Variants in RBMS1 observed in about 807,000 individuals in gnomAD.
RBMS1 encodes RNA binding motif single stranded interacting protein 1.
RBMS1 carries 17 observed loss-of-function variants against 62.3 expected under a neutral mutation model. The observed-to-expected ratio is 0.27, with a 90% CI of 0.19 to 0.41. RBMS1 has a LOEUF of 0.41. Among genes scored for constraint, RBMS1 ranks in the 10% least tolerant of loss-of-function variants. RBMS1 has a pLI of 1.00. For missense variants in RBMS1, 334 were observed against 504.5 expected, an observed-to-expected ratio of 0.66 and a Z score of 3.24; for synonymous variants, 172 against 170.0, an observed-to-expected ratio of 1.01 and a Z score of -0.09.
chr2:160,432,687 G>A (rs1193329469), intron 1 of RBMS1, among the ~76,000 whole-genome samples: 1 of 152,136 alleles, frequency 6.6e-6, no homozygotes, highest in African/African-American at 2.4e-5. Flanking sequence ...CAGATATAAG[G>A]TATAAGGAAT....
intron 2 of RBMS1, among the ~76,000 whole-genome samples, chr2:160,319,712 G>C (rs1690447439): frequency 6.6e-6 from 1 of 152,030 alleles, no homozygotes. Flanking sequence ...TTAGGAAATG[G>C]AAGTATTTTG....
In RBMS1 at chr2:160,475,268, C is replaced by A. The variant is rs1248403621; in HGVS notation, c.75+18021G>T. Among the ~76,000 whole-genome samples the A allele has an allele frequency of 2.0e-5, 3 of 152,340 alleles. No homozygotes were observed. In the South Asian group the frequency reaches 6.2e-4, roughly 32 times the overall value. On this transcript the variant is annotated intron_variant, in intron 1 of 13. Coordinates refer to ENST00000348849, the MANE Select transcript of RBMS1 (RefSeq NM_016836.4). The stretch of plus-strand genomic sequence containing the variant: ...TCCCACACTTCATTCGCCTCTCCAC[C>A]TTTTCCCCTCTATCCTGTGACCTGG...
chr2:160,431,784 T>A (rs1467576578), intron 1 of RBMS1, among the ~76,000 whole-genome samples: 3 of 152,144 alleles, frequency 2.0e-5, no homozygotes, highest in South Asian at 2.1e-4. Context: ...CCTAGTTAAC[T>A]CCAACTTATT....
intron 2 of RBMS1, among the ~76,000 whole-genome samples, chr2:160,345,961 G>A (rs912516423): frequency 6.6e-6 from 1 of 152,082 alleles, no homozygotes; most frequent in African/African-American, 2.4e-5. Flanking sequence ...TCAGAGTGAA[G>A]GAGCGTTAGT....
intron 1 of RBMS1, among the ~76,000 whole-genome samples, chr2:160,469,375 G>C (rs1574098632): frequency 6.6e-6 from 1 of 152,104 alleles, no homozygotes; most frequent in African/African-American, 2.4e-5. Context: ...CATCTCTTTG[G>C]TTCTTGTTGC....
At chr2:160,394,306 T>C (rs997639258) in intron 1 of RBMS1, among the ~76,000 whole-genome samples, 4 of 152,198 alleles carry the variant, frequency 2.6e-5, no homozygotes, top group Admixed American at 6.5e-5. Context: ...GTCCTAACTG[T>C]GGTTTCTTCT....
chr2:160,442,838 C>G (rs750174551), intron 1 of RBMS1, among the ~76,000 whole-genome samples: 3 of 152,114 alleles, frequency 2.0e-5, no homozygotes, highest in African/African-American at 7.2e-5. Context: ...AGAAAGGGCA[C>G]TAAGGGAACT....
At chr2:160,413,521 T>C (rs760752552) in intron 1 of RBMS1, among the ~76,000 whole-genome samples, 1 of 152,170 alleles carries the variant, frequency 6.6e-6, no homozygotes, top group Non-Finnish European at 1.5e-5. Context: ...TAGACATGTA[T>C]AAAAGTACAT....
chr2:160,389,698 CAAAAAAAAAAAAA>C (rs61570926), intron 1 of RBMS1, among the ~76,000 whole-genome samples: 5 of 50,380 alleles, frequency 9.9e-5, no homozygotes, highest in East Asian at 7.0e-4. Flanking sequence ...ACTCTTGTCT[CAAAAAAAAAAAAA>C]AAAAAAAAAA....
intron 1 of RBMS1, among the ~76,000 whole-genome samples, chr2:160,439,838 C>A (rs1222152259): frequency 4.6e-5 from 7 of 152,020 alleles, no homozygotes; most frequent in Non-Finnish European, 1.0e-4. Context: ...GGATCACTCG[C>A]GGTTAGGAGC....
intron 1 of RBMS1, among the ~76,000 whole-genome samples, chr2:160,376,100 A>G (rs549315328): frequency 1.4e-4 from 21 of 152,194 alleles, no homozygotes; most frequent in Non-Finnish European, 2.9e-4. Flanking sequence ...GTAATGAATT[A>G]CCGCTGAGAT....
At chr2:160,429,440 G>C (rs1682797360) in intron 1 of RBMS1, among the ~76,000 whole-genome samples, 1 of 152,170 alleles carries the variant, frequency 6.6e-6, no homozygotes. Flanking sequence ...TTTGCCACTA[G>C]AGGGAGTTCA....
rs1692025603 is a variant in RBMS1 at position 160,343,805 on chromosome 2, T to C, written c.251+23411A>G. On this transcript the variant is annotated intron_variant, in intron 2 of 13. Coordinates refer to ENST00000348849, the MANE Select transcript of RBMS1 (RefSeq NM_016836.4). ...AAGGCAAGACCACAATATATTCTAT[T>C]CTACTTTTGATGCGTTATTAATTTA... Among the ~76,000 whole-genome samples the C allele has an allele frequency of 1.3e-5, 2 of 152,184 alleles. 1 individual carries two copies. Among genetic ancestry groups the C allele is most frequent in the South Asian group, 4.1e-4 (2 of 4,836 alleles).
rs369467087 is a variant in RBMS1, at chr2:160,353,233, T to A, written c.251+13983A>T. Among the ~76,000 whole-genome samples, 3 of 152,244 alleles carry A rather than the reference T, an allele frequency of 2.0e-5. No individual in the cohort carries two copies. The East Asian group carries it at 5.8e-4, about 30-fold the overall frequency. On this transcript the variant is annotated intron_variant, in intron 2 of 13. Coordinates refer to ENST00000348849, the MANE Select transcript of RBMS1 (RefSeq NM_016836.4). ...AAAATACCACTTATAAATATTTTTGTATATAGTTTTGTTGAACATTTTTTT... is the reference window on the plus strand; with the variant it reads ...AAAATACCACTTATAAATATTTTTGAATATAGTTTTGTTGAACATTTTTTT...
chr2:160,341,006 T>C lies in RBMS1; in HGVS notation c.252-22779A>G, dbSNP rs895827395. 3.3e-5 allele frequency among the ~76,000 whole-genome samples: 5 copies of C among 152,188 alleles called. No individual in the cohort carries two copies. The South Asian group carries it at 1.0e-3, about 31-fold the overall frequency. ...TCCCCATTTCTCCCCTTTTATAAAA[T>C]GTTCTTTTAAAAATATTATAAAATT... On this transcript the variant is annotated intron_variant, in intron 2 of 13. Coordinates refer to ENST00000348849, the MANE Select transcript of RBMS1 (RefSeq NM_016836.4).
Position 160,484,885 on chromosome 2 carries a change from A to AAT in RBMS1, c.75+8403_75+8404insAT, listed in dbSNP as rs59520393. The stretch of plus-strand genomic sequence containing the variant: ...GACTCCGTCTCAAAAAAAAAAAAAA[A>AAT]TTTACGAAGCATCAACGAACCAGGA... On this transcript the variant is annotated intron_variant, in intron 1 of 13. Transcript: ENST00000348849. Among the ~76,000 whole-genome samples the AAT allele has an allele frequency of 9.2e-5, 14 of 151,918 alleles. No homozygotes were observed. The East Asian group carries it at 2.3e-3, about 25-fold the overall frequency.
At chr2:160,472,193 A>C (rs191529163) in intron 1 of RBMS1, among the ~76,000 whole-genome samples, 1 of 152,144 alleles carries the variant, frequency 6.6e-6, no homozygotes, top group African/African-American at 2.4e-5. Flanking sequence ...TGACATAACT[A>C]TATTTTATTC....
At chr2:160,434,378 A>G (rs952408246) in intron 1 of RBMS1, among the ~76,000 whole-genome samples, 1 of 152,096 alleles carries the variant, frequency 6.6e-6, no homozygotes. Flanking sequence ...ATTACCAACT[A>G]TTTCATCAAC....
At chr2:160,307,822 C>G (rs1689623083) in intron 4 of RBMS1, among the ~76,000 whole-genome samples, 1 of 152,190 alleles carries the variant, frequency 6.6e-6, no homozygotes, top group African/African-American at 2.4e-5. Flanking sequence ...AAAATTAAAA[C>G]AAGAATAAAA....
Sources: gnomAD v4.1 joint callset for allele counts (sites outside exome capture counted in the v4.1 genomes callset) on GRCh38, gnomAD v4.1.1 for gene constraint, MANE v1.5 for transcripts, NCBI Gene and HGNC (gene_info 2026-07-23, HGNC 2026-07-21) for gene names.